The following MTCL1 variants were observed in gnomAD, a reference collection of about 807,000 sequenced individuals.
MTCL1 encodes the protein microtubule crosslinking factor 1, also known as microtubule cross-linking factor 1.
A neutral mutation model predicts 141.4 loss-of-function variants in MTCL1; 79 were observed. The ratio of observed to expected loss-of-function variants is 0.56; its 90% CI spans 0.47 to 0.67. The LOEUF (loss-of-function observed/expected upper bound fraction) is 0.67, where lower values mean the gene tolerates loss of function less well. Ranked by LOEUF, MTCL1 falls within the 30% of genes least tolerant of loss-of-function variation. The probability of loss-of-function intolerance (pLI) is 0.00; values close to 1 mark genes in which losing one functional copy is unlikely to be tolerated. For synonymous variants in MTCL1, 914 were observed against 875.8 expected (o/e 1.04, Z -0.77); for missense variants, 2,177 against 2,113.9 (o/e 1.03, Z -0.59).
chr18:8,751,078 ATCTGACTGCATGTGTGCATGAC>A (rs1490066563), intron 4 of MTCL1, among the ~76,000 whole-genome samples: 1 of 152,214 alleles, frequency 6.6e-6, no homozygotes, highest in African/African-American at 2.4e-5. Context: ...GGGTGTGGGC[ATCTGACTGCATGTGTGCATGAC>A]TCATGCACAC....
intron 4 of MTCL1, among the ~76,000 whole-genome samples, chr18:8,751,625 G>A (rs1291688239): frequency 2.0e-5 from 3 of 152,148 alleles, no homozygotes; most frequent in South Asian, 2.1e-4. Flanking sequence ...AAGGAAATCC[G>A]AGGTGAATTT....
intron 1 of MTCL1, among the ~76,000 whole-genome samples, chr18:8,711,082 TC>T (rs2096088891): frequency 6.6e-6 from 1 of 151,746 alleles, no homozygotes; most frequent in Admixed American, 6.6e-5. Context: ...ATATTCCCCT[TC>T]CTGTGTCCAT....
intron 11 of MTCL1, chr18:8,811,231 ATCACAT>A (rs1438528617): frequency 6.6e-6 from 1 of 152,280 alleles, no homozygotes; most frequent in African/African-American, 2.4e-5. Flanking sequence ...ATGTGTGCAG[ATCACAT>A]GGCAAGAAAG....
exon 1 of MTCL1, chr18:8,706,483 G>T (rs1284131581): frequency 7.9e-7 from 1 of 1,266,564 alleles, no homozygotes; most frequent in Admixed American, 4.2e-5. Flanking sequence ...CGCGCCCCTC[G>T]CCGCGGGCGC....
intron 10 of MTCL1, among the ~76,000 whole-genome samples, chr18:8,805,301 A>G (rs1044269994): frequency 3.3e-5 from 5 of 152,064 alleles, no homozygotes; most frequent in East Asian, 1.9e-4. Flanking sequence ...TGTTGTTCCC[A>G]TCTCTGTCCG....
intron 4 of MTCL1, among the ~76,000 whole-genome samples, chr18:8,727,196 C>T (rs1228269642): frequency 2.0e-5 from 3 of 152,196 alleles, no homozygotes; most frequent in African/African-American, 7.2e-5. Flanking sequence ...TTTATCTAAT[C>T]GTCTATTGAT....
chr18:8,706,938 T>A (rs1204222461), intron 1 of MTCL1: 1 of 677,402 alleles, frequency 1.5e-6, no homozygotes. Flanking sequence ...TTCTCTTTTC[T>A]CGCGTCTAGA....
At chr18:8,820,341 C>T (rs894743349) in intron 13 of MTCL1, among the ~76,000 whole-genome samples, 6 of 151,988 alleles carry the variant, frequency 3.9e-5, no homozygotes, top group Admixed American at 1.3e-4. Context: ...ACCCAGGAGG[C>T]GGAGCTTGTA....
Position 8,784,748 on chromosome 18 carries a change from CT to C in MTCL1, c.1637del (p.Leu546ProfsTer11), listed in dbSNP as rs1568030053. The stretch of plus-strand genomic sequence containing the variant: ...GGATGGCCTATCCCCCTTGCCCCAC[CT>C]CACAGAGTCCTCTAGCTTCCTCTCC... On this transcript the variant is annotated frameshift_variant, in exon 6 of 17. Coordinates refer to ENST00000359865, the Ensembl canonical transcript of MTCL1. LOFTEE classifies it high-confidence loss of function. 6.2e-7 allele frequency: 1 copy of C among 1,614,216 alleles called. No homozygotes were observed. The highest frequency in any genetic ancestry group is 8.5e-7 in the Non-Finnish European group (1 of 1,180,020).
intron 4 of MTCL1, among the ~76,000 whole-genome samples, chr18:8,767,533 G>A (rs947079824): frequency 1.3e-5 from 2 of 152,214 alleles, no homozygotes; most frequent in Non-Finnish European, 2.9e-5. Flanking sequence ...TCTGCACAAA[G>A]ATGTATTTGA....
chr18:8,721,827 T>C (rs1286690056), intron 4 of MTCL1, among the ~76,000 whole-genome samples: 1 of 152,238 alleles, frequency 6.6e-6, no homozygotes, highest in Non-Finnish European at 1.5e-5. Flanking sequence ...TCACAAGCTC[T>C]GTGGGGCAGG....
intron 4 of MTCL1, among the ~76,000 whole-genome samples, chr18:8,775,951 T>A (rs187628423): frequency 6.6e-5 from 10 of 152,322 alleles, no homozygotes; most frequent in African/African-American, 1.9e-4. Flanking sequence ...TAACCTAGGA[T>A]TCTTCCCACA....
At chr18:8,829,994 G>A (rs1470006381) in intron 16 of MTCL1, 24 of 985,312 alleles carry the variant, frequency 2.4e-5, no homozygotes, top group Admixed American at 1.2e-4. Flanking sequence ...AACGGGATAC[G>A]GTGGTGTCAG....
At chr18:8,716,568 C>CT (rs1567928941), upstream of MTCL1, among the ~76,000 whole-genome samples, 7 of 108,864 alleles carry the variant, frequency 6.4e-5, no homozygotes, top group African/African-American at 2.4e-4. Flanking sequence ...TCTTTTTGTT[C>CT]ATTTTTTTTT....
chr18:8,715,007 A>C (rs60691467), upstream of MTCL1, among the ~76,000 whole-genome samples: 1 of 152,116 alleles, frequency 6.6e-6, no homozygotes, highest in Non-Finnish European at 1.5e-5. Flanking sequence ...TGTGTTAGCC[A>C]GGATGGTCTT....
intron 12 of MTCL1, among the ~76,000 whole-genome samples, chr18:8,814,373 G>T (rs1329397043): frequency 6.6e-6 from 1 of 152,106 alleles, no homozygotes; most frequent in Non-Finnish European, 1.5e-5. Flanking sequence ...GTACACTGCA[G>T]ATAGAAAAGC....
intron 4 of MTCL1, among the ~76,000 whole-genome samples, chr18:8,768,347 C>T (rs540075168): frequency 3.9e-4 from 59 of 152,286 alleles, no homozygotes; most frequent in South Asian, 4.1e-4. Flanking sequence ...TGAGTAAACT[C>T]GTGGACAGAA....
At chr18:8,825,658 G>A (rs1478234422) in exon 15 of MTCL1, 13 of 1,613,724 alleles carry the variant, frequency 8.1e-6, no homozygotes, top group African/African-American at 1.3e-5. Flanking sequence ...AAGTTTGAAC[G>A]CACATGCTGC....
exon 15 of MTCL1, chr18:8,825,621 G>A (rs1416057905): frequency 2.5e-6 from 4 of 1,613,744 alleles, no homozygotes; most frequent in Non-Finnish European, 3.4e-6. Context: ...CAGACAGGTG[G>A]CCCCTGCCAT....
Sources: gnomAD v4.1 joint callset for allele counts (sites outside exome capture counted in the v4.1 genomes callset) on GRCh38, gnomAD v4.1.1 for gene constraint, MANE v1.5 for transcripts, NCBI Gene and HGNC (gene_info 2026-07-23, HGNC 2026-07-21) for gene names.